The following PCDH15 variants were observed in gnomAD, a reference collection of about 807,000 sequenced individuals.
The protein encoded by PCDH15 is protocadherin-15.
In PCDH15, 129 loss-of-function variants were observed where a neutral mutation model predicts 178.5. The observed-to-expected ratio is 0.72, with a 90% CI of 0.63 to 0.84. The LOEUF is 0.84. Ranked by LOEUF, PCDH15 falls within the 40% of genes least tolerant of loss-of-function variation. The pLI is 0.00. For missense variants in PCDH15, 2,230 were observed against 2,099.9 expected (o/e 1.06, Z -1.21); for synonymous variants, 800 against 732.0 (o/e 1.09, Z -1.50).
chr10:55,479,697 A>G (rs533777556), intron 2 of PCDH15, among the ~76,000 whole-genome samples: 1 of 151,764 alleles, frequency 6.6e-6, no homozygotes, highest in South Asian at 2.1e-4. Flanking sequence ...AGTAAATTGG[A>G]AAGAAGAAAG....
chr10:53,967,959 A>T (rs1487517673), intron 21 of PCDH15, among the ~76,000 whole-genome samples: 2 of 152,140 alleles, frequency 1.3e-5, no homozygotes, highest in Non-Finnish European at 1.5e-5. Flanking sequence ...AGTGATGCAG[A>T]AGACAGGTGA....
chr10:54,947,045 G>T (rs1012772140), intron 2 of PCDH15, among the ~76,000 whole-genome samples: 3 of 151,808 alleles, frequency 2.0e-5, no homozygotes, highest in Non-Finnish European at 4.4e-5. Flanking sequence ...TGTGGACTGA[G>T]TAATTTAAAA....
chr10:55,495,974 A>G (rs138768238), intron 2 of PCDH15, among the ~76,000 whole-genome samples: 61 of 152,032 alleles, frequency 4.0e-4, no homozygotes, highest in African/African-American at 1.3e-3. Context: ...AGGCAAATCT[A>G]TAAGACAGAA....
At chr10:54,822,797 T>C (rs1953068196) in intron 3 of PCDH15, among the ~76,000 whole-genome samples, 1 of 152,096 alleles carries the variant, frequency 6.6e-6, no homozygotes. Flanking sequence ...CATCCATTGT[T>C]ACTTGTCTTT....
intron 2 of PCDH15, among the ~76,000 whole-genome samples, chr10:55,346,406 C>A (rs1349032381): frequency 6.6e-6 from 1 of 152,076 alleles, no homozygotes; most frequent in Non-Finnish European, 1.5e-5. Flanking sequence ...TATAATTGAT[C>A]TTGATTTTCT....
chr10:54,107,770 G>A (rs1411615097), intron 15 of PCDH15, among the ~76,000 whole-genome samples: 1 of 152,064 alleles, frequency 6.6e-6, no homozygotes, highest in African/African-American at 2.4e-5. Flanking sequence ...AGCCTGGGTG[G>A]GGTTTCAGAA....
chr10:54,928,672 T>C (rs1468500865), intron 2 of PCDH15, among the ~76,000 whole-genome samples: 2 of 152,162 alleles, frequency 1.3e-5, no homozygotes, highest in Admixed American at 6.6e-5. Context: ...CTGACTAACT[T>C]ATTTCAGAAA....
intron 25 of PCDH15, among the ~76,000 whole-genome samples, chr10:53,909,703 A>G (rs905309838): frequency 1.3e-5 from 2 of 152,328 alleles, no homozygotes; most frequent in African/African-American, 2.4e-5. Flanking sequence ...ACGGTGGGAC[A>G]TCACATCACC....
intron 1 of PCDH15, among the ~76,000 whole-genome samples, chr10:55,175,064 C>T (rs562922410): frequency 2.9e-4 from 44 of 152,030 alleles, no homozygotes; most frequent in Non-Finnish European, 5.6e-4. Flanking sequence ...CATATAGTGC[C>T]AAGAAAGGGG....
chr10:54,397,505 TTAACTC>T (rs1182827870), intron 3 of PCDH15, among the ~76,000 whole-genome samples: 4 of 152,210 alleles, frequency 2.6e-5, no homozygotes, highest in Non-Finnish European at 4.4e-5. Context: ...TCTTGCCTGT[TTAACTC>T]TATCTGGTAT....
intron 2 of PCDH15, among the ~76,000 whole-genome samples, chr10:54,566,710 A>G (rs933093958): frequency 2.0e-5 from 3 of 152,162 alleles, no homozygotes; most frequent in African/African-American, 7.2e-5. Flanking sequence ...CCATTGTCTG[A>G]AGGTACCACA....
Position 55,066,213 on chromosome 10 carries a change from C to T in PCDH15, c.-80+100363G>A, listed in dbSNP as rs867831719. Among the ~76,000 whole-genome samples the T allele has an allele frequency of 6.2e-4, 93 of 151,074 alleles. No homozygotes were observed. The Middle Eastern group carries it at 0.014, about 23-fold the overall frequency. Reference sequence around the variant, plus strand: ...CTTATTTCTCCCTTAATATCTGTTTCTTTCACCAGGATAAATGTGTGTGAT... The same window carrying T: ...CTTATTTCTCCCTTAATATCTGTTTTTTTCACCAGGATAAATGTGTGTGAT... On this transcript the variant is annotated intron_variant, in intron 2 of 5. Coordinates refer to the PCDH15 transcript ENST00000458638.
intron 3 of PCDH15, among the ~76,000 whole-genome samples, chr10:54,858,161 T>C (rs1264058367): frequency 6.6e-6 from 1 of 152,196 alleles, no homozygotes; most frequent in East Asian, 1.9e-4. Context: ...TGCTCATTCA[T>C]TATTTGCCTT....
chr10:54,191,238 G>A (rs2048961188), intron 11 of PCDH15, among the ~76,000 whole-genome samples: 1 of 152,158 alleles, frequency 6.6e-6, no homozygotes, highest in South Asian at 2.1e-4. Flanking sequence ...ACTCATGAGG[G>A]AGAAAGACAT....
chr10:54,148,918 T>C (rs2044245595), intron 14 of PCDH15, among the ~76,000 whole-genome samples: 1 of 152,056 alleles, frequency 6.6e-6, no homozygotes. Context: ...TTAAAAGTCT[T>C]TCCAAGAATT....
At chr10:54,623,396 CT>C (rs201188389) in intron 2 of PCDH15, among the ~76,000 whole-genome samples, 15 of 151,888 alleles carry the variant, frequency 9.9e-5, no homozygotes, top group African/African-American at 2.9e-4. Context: ...AATGAAAAGA[CT>C]TTTTTTTAAA....
chr10:54,262,770 A>G (rs539245606), intron 8 of PCDH15, among the ~76,000 whole-genome samples: 1 of 152,334 alleles, frequency 6.6e-6, no homozygotes, highest in South Asian at 2.1e-4. Flanking sequence ...AACGAAAGGT[A>G]TGGCCTGATG....
At chr10:54,920,095 G>A (rs528123233) in intron 2 of PCDH15, among the ~76,000 whole-genome samples, 1 of 152,102 alleles carries the variant, frequency 6.6e-6, no homozygotes, top group Non-Finnish European at 1.5e-5. Flanking sequence ...AATAATTTAC[G>A]TATCCATACT....
intron 3 of PCDH15, among the ~76,000 whole-genome samples, chr10:54,452,977 G>A (rs2136314900): frequency 6.6e-6 from 1 of 152,210 alleles, no homozygotes; most frequent in East Asian, 1.9e-4. Flanking sequence ...AACTAGTTAA[G>A]ATGAGGTCGT....
Sources: gnomAD v4.1 joint callset for allele counts (sites outside exome capture counted in the v4.1 genomes callset) on GRCh38, gnomAD v4.1.1 for gene constraint, MANE v1.5 for transcripts, NCBI Gene and HGNC (gene_info 2026-07-23, HGNC 2026-07-21) for gene names.